The following RSPH9 variants were observed in gnomAD, a reference collection of about 807,000 sequenced individuals.
RSPH9 encodes radial spoke head protein 9 homolog.
Under a neutral mutation model 27.0 loss-of-function variants are expected in RSPH9, and 27 were observed. That is an observed-to-expected ratio of 1.00 (90% CI 0.74 to 1.38). The LOEUF is 1.38. RSPH9 is among the 40% of genes most tolerant of loss of function. The pLI is 0.00. For synonymous variants in RSPH9, 145 were observed against 147.7 expected, an observed-to-expected ratio of 0.98 and a Z score of 0.13; for missense variants, 347 against 357.4, an observed-to-expected ratio of 0.97 and a Z score of 0.24.
At chr6:43,656,527 TG>T (rs770887682) in intron 3 of RSPH9, 49 bp from the exon 4 acceptor site, 25 of 1,611,340 alleles carry the variant, frequency 1.6e-5, no homozygotes, top group Admixed American at 1.5e-4. Context: ...GAAAGGGGGC[TG>T]GGGGGTTTTG....
chr6:43,658,513 T>C (rs1772278289), intron 4 of RSPH9, among the ~76,000 whole-genome samples: 1 of 152,066 alleles, frequency 6.6e-6, no homozygotes. Flanking sequence ...TTCGTAACAA[T>C]ACTAACGATC....
rs1773696826 is a variant in RSPH9 at position 43,671,568 on chromosome 6, C to T, written c.*619C>T. 1 of 648,598 alleles carries T rather than the reference C, an allele frequency of 1.5e-6. No individual in the cohort carries two copies. Among genetic ancestry groups the T allele is most frequent in the African/African-American group, 1.8e-5 (1 of 54,770 alleles). The allele number at this position is 648,598 out of a possible 1,614,324, so 40.2% of individuals were successfully genotyped here. A position where few individuals can be genotyped will look rare whatever the true frequency, so the allele number is the denominator to read the frequency against. Reference sequence around the variant, plus strand: ...AGGGACCCAACTGCCCTGCCTGCCTCTAGCTCCCAGCATTGCTACTGTGCA... The same window carrying T: ...AGGGACCCAACTGCCCTGCCTGCCTTTAGCTCCCAGCATTGCTACTGTGCA... On this transcript the variant is annotated 3_prime_UTR_variant, in exon 5 of 5. Transcript: ENST00000372163.
intron 2 of RSPH9, among the ~76,000 whole-genome samples, chr6:43,653,380 G>C (rs572128177): frequency 6.7e-6 from 1 of 150,076 alleles, no homozygotes; most frequent in East Asian, 2.0e-4. Flanking sequence ...CCGGGAGGCG[G>C]AGGTTGCAGT....
Position 43,664,024 on chromosome 6 carries a change from C to CT in RSPH9, c.671-6764dup, listed in dbSNP as rs200140104. ...AGCCTGGGTGACAGAATGAGAATGTCTCGAAAAAAAAAAAAAAAGAGTTTG... is the reference window on the plus strand; with the variant it reads ...AGCCTGGGTGACAGAATGAGAATGTCTTCGAAAAAAAAAAAAAAAGAGTTTG... On this transcript the variant is annotated intron_variant, in intron 4 of 4. Coordinates refer to ENST00000372163, the MANE Select transcript of RSPH9 (RefSeq NM_152732.5). 8.8e-3 allele frequency among the ~76,000 whole-genome samples: 1,125 copies of CT among 127,612 alleles called. 23 individuals are homozygous for CT. The highest frequency in any genetic ancestry group is 0.037 in the African/African-American group (1,033 of 27,858). 83.7% of individuals were successfully genotyped at this position (127,612 alleles called of 152,430 possible).
chr6:43,653,070 C>T (rs1771647669), intron 2 of RSPH9, among the ~76,000 whole-genome samples: 2 of 152,160 alleles, frequency 1.3e-5, no homozygotes. Context: ...CCTCCCACCT[C>T]AGCCTCCCAA....
chr6:43,645,179 G>C lies in RSPH9; in HGVS notation c.81G>C (p.Ser27=). Residue 27 remains serine, a synonymous_variant, in exon 1 of 5, where the codon TCG becomes TCC. Coordinates refer to ENST00000372163, the MANE Select transcript of RSPH9 (RefSeq NM_152732.5). ...GQGLSPDRRA[S]LLTSLMLVKR... ...GCCTCAGCCCGGACCGTCGGGCCTC[G>C]CTGCTCACGTCTCTTATGCTGGTTA... 1 of 1,613,742 alleles carries C rather than the reference G, an allele frequency of 6.2e-7. No individual in the cohort carries two copies. Among genetic ancestry groups the C allele is most frequent in the Non-Finnish European group, 8.5e-7 (1 of 1,180,002 alleles).
intron 3 of RSPH9, among the ~76,000 whole-genome samples, chr6:43,656,108 G>A (rs115335737): frequency 0.061 from 7,487 of 122,312 alleles, 315 homozygotes; most frequent in South Asian, 0.11. Context: ...CTTTCTTGAT[G>A]GTGTTTTGCT....
chr6:43,671,633 AT>A lies in RSPH9; in HGVS notation c.*685del, dbSNP rs139322069. On this transcript the variant is annotated 3_prime_UTR_variant, in exon 5 of 5. Coordinates refer to ENST00000372163, the MANE Select transcript of RSPH9 (RefSeq NM_152732.5). The stretch of plus-strand genomic sequence containing the variant: ...AAGTTAGTCCCACTGTCCCCTGTCC[AT>A]GCATGTTGGAGGGACCAGGCCATCG... The A allele has an allele frequency of 1.1e-3, 1,147 of 1,072,828 alleles. 8 individuals carry two copies. In the African/African-American group the frequency reaches 0.015, roughly 14 times the overall value. The allele number at this position is 1,072,828 out of a possible 1,614,324, so 66.5% of individuals were successfully genotyped here.
chr6:43,650,644 C>G (rs1001703338), intron 2 of RSPH9, 104 bp downstream of exon 2: 1 of 1,213,940 alleles, frequency 8.2e-7, no homozygotes, highest in South Asian at 1.3e-5. Context: ...CGGTGGCTCA[C>G]GCCTGTAATC....
intron 3 of RSPH9, among the ~76,000 whole-genome samples, chr6:43,656,224 T>TA (rs1226698460): frequency 6.6e-6 from 1 of 152,114 alleles, no homozygotes. Flanking sequence ...TAGCTGGGAT[T>TA]ACAGACACCC....
intron 4 of RSPH9, 50 bp downstream of exon 4, chr6:43,656,773 A>G: frequency 1.3e-6 from 2 of 1,597,820 alleles, no homozygotes; most frequent in Non-Finnish European, 1.7e-6. Flanking sequence ...AGGCCATAGC[A>G]GTGGGCCATG....
intron 1 of RSPH9, among the ~76,000 whole-genome samples, chr6:43,646,976 A>G (rs535359917): frequency 1.3e-5 from 2 of 151,800 alleles, no homozygotes; most frequent in East Asian, 3.9e-4. Flanking sequence ...AAGAAAAAAA[A>G]AAAGGAAAAT....
chr6:43,666,317 T>C (rs895700093), intron 4 of RSPH9: 44 of 861,990 alleles, frequency 5.1e-5, no homozygotes, highest in Admixed American at 4.8e-4. Context: ...GGGCTGCTAA[T>C]TGGGGCCAAA....
At chr6:43,660,515 G>A (rs1056962981) in intron 4 of RSPH9, among the ~76,000 whole-genome samples, 4 of 151,816 alleles carry the variant, frequency 2.6e-5, no homozygotes, top group Admixed American at 6.6e-5. Context: ...ACAGGCTGGA[G>A]TACAGTGGCA....
intron 4 of RSPH9, among the ~76,000 whole-genome samples, chr6:43,668,874 G>T (rs1285562408): frequency 6.6e-6 from 1 of 152,204 alleles, no homozygotes; most frequent in Non-Finnish European, 1.5e-5. Context: ...GGCTGGTGGG[G>T]TGACCAAGTG....
chr6:43,654,216 C>T (rs565632912), intron 2 of RSPH9, among the ~76,000 whole-genome samples: 6 of 152,274 alleles, frequency 3.9e-5, no homozygotes, highest in Non-Finnish European at 5.9e-5. Flanking sequence ...CATTCTCTGT[C>T]GAGCTCTTCC....
At chr6:43,652,429 CTT>C (rs1178544653) in intron 2 of RSPH9, among the ~76,000 whole-genome samples, 5 of 142,568 alleles carry the variant, frequency 3.5e-5, no homozygotes, top group Non-Finnish European at 3.1e-5. Flanking sequence ...CCTTCCCATT[CTT>C]TTTTTTTTTT....
intron 3 of RSPH9, among the ~76,000 whole-genome samples, chr6:43,656,305 C>T (rs1417939370): frequency 1.3e-5 from 2 of 152,156 alleles, no homozygotes; most frequent in African/African-American, 2.4e-5. Flanking sequence ...AGGCTTGTCT[C>T]AAACTCCCGA....
At chr6:43,665,014 C>G (rs1235499695) in intron 4 of RSPH9, among the ~76,000 whole-genome samples, 5 of 152,206 alleles carry the variant, frequency 3.3e-5, no homozygotes, top group African/African-American at 4.8e-5. Context: ...GTCTGGCAAG[C>G]CCTTTGCAGC....
Sources: gnomAD v4.1 joint callset for allele counts (sites outside exome capture counted in the v4.1 genomes callset) on GRCh38, gnomAD v4.1.1 for gene constraint, MANE v1.5 for transcripts, NCBI Gene and HGNC (gene_info 2026-07-23, HGNC 2026-07-21) for gene names.